Variants in SNX29 observed in about 807,000 individuals in gnomAD.
SNX29 encodes sorting nexin-29.
SNX29 carries 78 observed loss-of-function variants against 102.1 expected under a neutral mutation model. That is an observed-to-expected ratio of 0.76 (90% CI 0.64 to 0.92). The LOEUF is 0.92. SNX29 is among the 40% of genes least tolerant of loss of function. The probability of loss-of-function intolerance (pLI) is 0.00; values close to 1 mark genes in which losing one functional copy is unlikely to be tolerated. For synonymous variants in SNX29, 580 were observed against 414.5 expected (o/e 1.40, Z -4.85); for missense variants, 1,280 against 1,061.7 (o/e 1.21, Z -2.86).
chr16:12,571,942 A>T lies in SNX29; in HGVS notation c.*3313A>T. ...GGCCCTGGTGAAGGAAGACACTTTCAGGGAAGAGGCTCTTACAGTCTATGG... is the reference window on the plus strand; with the variant it reads ...GGCCCTGGTGAAGGAAGACACTTTCTGGGAAGAGGCTCTTACAGTCTATGG... On this transcript the variant is annotated 3_prime_UTR_variant, in exon 21 of 21. Coordinates refer to ENST00000566228, the MANE Select transcript of SNX29 (RefSeq NM_032167.5). The T allele has an allele frequency of 9.4e-7, 1 of 1,061,816 alleles. No individual in the cohort carries two copies. 65.8% of individuals were successfully genotyped at this position (1,061,816 alleles called of 1,614,324 possible). A position where few individuals can be genotyped will look rare whatever the true frequency, so the allele number is the denominator to read the frequency against.
intron 19 of SNX29, among the ~76,000 whole-genome samples, chr16:12,496,539 C>A (rs530351652): frequency 2.5e-4 from 30 of 122,374 alleles, no homozygotes; most frequent in Non-Finnish European, 4.5e-4. Flanking sequence ...TAAACCTAGT[C>A]TTGCTCTGTT....
At chr16:12,186,033 G>T (rs1361224947) in intron 13 of SNX29, among the ~76,000 whole-genome samples, 1 of 152,054 alleles carries the variant, frequency 6.6e-6, no homozygotes, top group African/African-American at 2.4e-5. Flanking sequence ...ATAGTAGGTG[G>T]GTCTTGTTAT....
intron 19 of SNX29, among the ~76,000 whole-genome samples, chr16:12,514,934 AAGAAAGAG>A (rs1441287980): frequency 2.0e-5 from 3 of 151,106 alleles, no homozygotes; most frequent in African/African-American, 4.9e-5. Context: ...GAAAGAAAGA[AAGAAAGAG>A]AGAAAGAAAG....
At chr16:12,541,929 C>T (rs1000385530) in intron 20 of SNX29, among the ~76,000 whole-genome samples, 4 of 152,310 alleles carry the variant, frequency 2.6e-5, no homozygotes, top group African/African-American at 7.2e-5. Flanking sequence ...GCCCACGGTA[C>T]ATCCTGGGCC....
At chr16:12,201,660 C>T (rs2076917937) in intron 14 of SNX29, among the ~76,000 whole-genome samples, 1 of 152,164 alleles carries the variant, frequency 6.6e-6, no homozygotes, top group Admixed American at 6.5e-5. Flanking sequence ...GGGAGTTACT[C>T]CAGTGGACTT....
In SNX29 at chr16:12,247,569, G is replaced by C. The variant is rs1289904899; in HGVS notation, c.1679-30364G>C. ...GGCACCTGTGATTGACATGGGCACA[G>C]AGTTTCTTCCTGGAGAGCCATCAGG... On this transcript the variant is annotated intron_variant, in intron 14 of 20. Coordinates refer to ENST00000566228, the MANE Select transcript of SNX29 (RefSeq NM_032167.5). Among the ~76,000 whole-genome samples the C allele has an allele frequency of 2.0e-5, 3 of 152,156 alleles. No homozygotes were observed. The East Asian group carries it at 5.8e-4, about 29-fold the overall frequency.
chr16:12,264,138 T>G (rs2078857630), intron 14 of SNX29, among the ~76,000 whole-genome samples: 1 of 152,218 alleles, frequency 6.6e-6, no homozygotes, highest in Non-Finnish European at 1.5e-5. Flanking sequence ...TTGCAGAAAG[T>G]GGCTGAGCCA....
At chr16:12,403,577 C>G (rs748077784) in intron 18 of SNX29, 48 bp downstream of exon 18, 1 of 1,535,216 alleles carries the variant, frequency 6.5e-7, no homozygotes, top group Non-Finnish European at 8.9e-7. Context: ...TGGAAAAACG[C>G]CCATTTGTCA....
At chr16:12,224,813 A>G (rs2077568640) in intron 14 of SNX29, among the ~76,000 whole-genome samples, 1 of 152,144 alleles carries the variant, frequency 6.6e-6, no homozygotes, top group Non-Finnish European at 1.5e-5. Context: ...GCATGTGTTT[A>G]CAGTAATGAG....
intron 11 of SNX29, chr16:12,087,028 C>A (rs2052234813): frequency 6.6e-6 from 1 of 151,968 alleles, no homozygotes; most frequent in Non-Finnish European, 1.5e-5. Flanking sequence ...AGCAGGGTAA[C>A]CATCATAACA....
intron 1 of SNX29, among the ~76,000 whole-genome samples, chr16:11,992,386 G>A (rs746175766): frequency 4.5e-5 from 6 of 134,652 alleles, no homozygotes; most frequent in African/African-American, 7.5e-5. Context: ...TAGTACAGTT[G>A]CATTGTTGAG....
intron 9 of SNX29, among the ~76,000 whole-genome samples, chr16:12,062,127 C>T (rs2050801005): frequency 6.6e-6 from 1 of 151,996 alleles, no homozygotes; most frequent in African/African-American, 2.4e-5. Context: ...GCCTGTAATC[C>T]CAGCACTTTG....
intron 14 of SNX29, among the ~76,000 whole-genome samples, chr16:12,271,324 G>T (rs539068218): frequency 6.6e-6 from 1 of 152,336 alleles, no homozygotes; most frequent in South Asian, 2.1e-4. Flanking sequence ...GGCTCATGGG[G>T]GCTGTTGGCT....
intron 15 of SNX29, among the ~76,000 whole-genome samples, chr16:12,280,219 A>G (rs1025796821): frequency 2.6e-5 from 4 of 152,248 alleles, no homozygotes; most frequent in African/African-American, 4.8e-5. Context: ...ATTGGCAGGA[A>G]CTGAAAGGAG....
intron 20 of SNX29, among the ~76,000 whole-genome samples, chr16:12,541,629 C>T (rs1001666781): frequency 3.3e-5 from 5 of 152,166 alleles, no homozygotes; most frequent in Non-Finnish European, 7.3e-5. Flanking sequence ...TGTCGGGGTC[C>T]ATCGCATCTT....
intron 19 of SNX29, among the ~76,000 whole-genome samples, chr16:12,522,510 G>T (rs886493645): frequency 2.0e-5 from 3 of 152,202 alleles, no homozygotes; most frequent in African/African-American, 7.2e-5. Context: ...GTAATCCGCA[G>T]TGTTAGAGGT....
intron 20 of SNX29, among the ~76,000 whole-genome samples, chr16:12,563,152 AG>A (rs547846670): frequency 4.0e-5 from 6 of 151,720 alleles, no homozygotes; most frequent in African/African-American, 9.7e-5. Flanking sequence ...TCCCAGCTCC[AG>A]GGGGGGCAAC....
chr16:12,388,497 A>G (rs1440104944), intron 16 of SNX29, among the ~76,000 whole-genome samples: 1 of 152,230 alleles, frequency 6.6e-6, no homozygotes, highest in African/African-American at 2.4e-5. Flanking sequence ...TGAAATTACA[A>G]ATGATTTTTC....
intron 15 of SNX29, among the ~76,000 whole-genome samples, chr16:12,297,527 C>T (rs2080022305): frequency 6.6e-6 from 1 of 151,940 alleles, no homozygotes; most frequent in African/African-American, 2.4e-5. Context: ...CTCCTGGCCT[C>T]TCCTACTTGA....
Sources: allele counts gnomAD v4.1 joint callset (sites outside exome capture counted in the v4.1 genomes callset), GRCh38; gene constraint gnomAD v4.1.1; transcripts MANE v1.5; gene names NCBI Gene and HGNC (gene_info 2026-07-23, HGNC 2026-07-21).